The following GRIK2 variants were observed in gnomAD, a reference collection of about 807,000 sequenced individuals.
GRIK2 encodes glutamate ionotropic receptor kainate type subunit 2.
GRIK2 carries 32 observed loss-of-function variants against 100.3 expected under a neutral mutation model. The observed-to-expected ratio is 0.32, with a 90% CI of 0.24 to 0.43. The LOEUF is 0.43. Ranked by LOEUF, GRIK2 falls within the 20% of genes least tolerant of loss-of-function variation. The probability of loss-of-function intolerance (pLI) is 1.00; values close to 1 mark genes in which losing one functional copy is unlikely to be tolerated. For missense variants in GRIK2, 843 were observed against 1,114.9 expected (o/e 0.76, Z 3.47); for synonymous variants, 417 against 389.4 (o/e 1.07, Z -0.83).
chr6:101,639,475 A>T (rs1279506271), intron 4 of GRIK2, among the ~76,000 whole-genome samples: 1 of 152,116 alleles, frequency 6.6e-6, no homozygotes, highest in Middle Eastern at 3.2e-3. Context: ...TAAGTATTCA[A>T]TAAATGACCA....
At chr6:101,501,775 C>T (rs1773758687) in intron 2 of GRIK2, among the ~76,000 whole-genome samples, 1 of 151,954 alleles carries the variant, frequency 6.6e-6, no homozygotes. Context: ...TTTTGTTTTC[C>T]AAGACAGGGT....
intron 14 of GRIK2, among the ~76,000 whole-genome samples, chr6:101,997,419 GGTA>G (rs1794708363): frequency 6.6e-6 from 1 of 151,590 alleles, no homozygotes; most frequent in Non-Finnish European, 1.5e-5. Flanking sequence ...ATGCATCTTT[GGTA>G]TTTTTAAATT....
chr6:101,506,866 T>A (rs975156950), intron 2 of GRIK2, among the ~76,000 whole-genome samples: 1 of 152,164 alleles, frequency 6.6e-6, no homozygotes, highest in Non-Finnish European at 1.5e-5. Flanking sequence ...ATTGTGCAAA[T>A]TTGAGTTTTA....
At chr6:101,761,572 A>C (rs1016966445) in intron 7 of GRIK2, among the ~76,000 whole-genome samples, 2 of 152,184 alleles carry the variant, frequency 1.3e-5, no homozygotes, top group Admixed American at 6.6e-5. Context: ...CAGACTAAAA[A>C]ATTAACAAAA....
At chr6:101,686,744 T>C (rs1324742714) in intron 7 of GRIK2, among the ~76,000 whole-genome samples, 1 of 152,130 alleles carries the variant, frequency 6.6e-6, no homozygotes, top group Non-Finnish European at 1.5e-5. Flanking sequence ...TCTGGTGTTA[T>C]ATAAATGACT....
intron 2 of GRIK2, among the ~76,000 whole-genome samples, chr6:101,429,743 C>T (rs1365895524): frequency 5.3e-5 from 8 of 151,850 alleles, no homozygotes; most frequent in Non-Finnish European, 1.5e-5. Flanking sequence ...TACACAATGA[C>T]GTGTTGCTGG....
chr6:101,690,258 T>C (rs980814375), intron 7 of GRIK2, among the ~76,000 whole-genome samples: 1 of 152,152 alleles, frequency 6.6e-6, no homozygotes, highest in Non-Finnish European at 1.5e-5. Flanking sequence ...ATACCACATA[T>C]TTCCTTGATA....
intron 12 of GRIK2, among the ~76,000 whole-genome samples, chr6:101,911,660 A>G (rs544039602): frequency 3.3e-5 from 5 of 151,484 alleles, no homozygotes; most frequent in Admixed American, 6.6e-5. Flanking sequence ...ATTTGCCTTT[A>G]ATACTATTCA....
intron 14 of GRIK2, among the ~76,000 whole-genome samples, chr6:101,951,502 G>T (rs1791603303): frequency 6.6e-6 from 1 of 152,164 alleles, no homozygotes; most frequent in South Asian, 2.1e-4. Context: ...TTAGGTGTAG[G>T]TTCATATGCA....
Position 101,928,398 on chromosome 6 carries a change from C to T in GRIK2, c.1868-17C>T, listed in dbSNP as rs564285314. The T allele has an allele frequency of 1.0e-5, 13 of 1,295,070 alleles. No individual in the cohort carries two copies. The highest frequency in any genetic ancestry group is 1.5e-5 in the Non-Finnish European group (13 of 888,972). The allele number at this position is 1,295,070 out of a possible 1,614,324, so 80.2% of individuals were successfully genotyped here. A position where few individuals can be genotyped will look rare whatever the true frequency, so the allele number is the denominator to read the frequency against. ...AATTCTCTATATTCGTTTCACCTTT[C>T]CCCCACTCTCTGTTAGGTTCTGAGC... On this transcript the variant is annotated splice_polypyrimidine_tract_variant and intron_variant, in intron 13 of 16. Coordinates refer to ENST00000369134, the MANE Select transcript of GRIK2 (RefSeq NM_021956.5).
chr6:101,736,451 G>A (rs1775637046), intron 7 of GRIK2, among the ~76,000 whole-genome samples: 1 of 152,096 alleles, frequency 6.6e-6, no homozygotes. Context: ...TGAAATCTAG[G>A]CAGAGGTTCC....
intron 14 of GRIK2, among the ~76,000 whole-genome samples, chr6:102,009,050 T>C (rs1302728475): frequency 6.6e-6 from 1 of 152,088 alleles, no homozygotes; most frequent in Admixed American, 6.6e-5. Flanking sequence ...TTGAAATAAA[T>C]TTGTACAACC....
intron 4 of GRIK2, among the ~76,000 whole-genome samples, chr6:101,661,062 GA>G (rs1769575368): frequency 6.6e-6 from 1 of 152,162 alleles, no homozygotes; most frequent in Admixed American, 6.5e-5. Flanking sequence ...TAAGTCTGCT[GA>G]ATCTGTGCCC....
intron 11 of GRIK2, among the ~76,000 whole-genome samples, chr6:101,880,782 G>A (rs1026979546): frequency 6.6e-6 from 1 of 151,812 alleles, no homozygotes; most frequent in African/African-American, 2.4e-5. Flanking sequence ...AGAATAATAA[G>A]AATTGGTAGC....
At chr6:101,854,892 AAATGACTT>A (rs1287943224) in intron 10 of GRIK2, among the ~76,000 whole-genome samples, 4 of 152,174 alleles carry the variant, frequency 2.6e-5, no homozygotes, top group African/African-American at 9.6e-5. Context: ...AAACAATTGA[AAATGACTT>A]AAGTACTGTG....
At position 101,973,887 on chromosome 6, in the gene GRIK2, G is replaced by C. The variant is rs546654557; in HGVS notation, c.2085+45255G>C. Among the ~76,000 whole-genome samples, 10 of 151,954 alleles carry C rather than the reference G, an allele frequency of 6.6e-5. No homozygotes were observed. The East Asian group carries it at 1.7e-3, about 27-fold the overall frequency. On this transcript the variant is annotated intron_variant, in intron 14 of 16. Coordinates refer to ENST00000369134, the MANE Select transcript of GRIK2 (RefSeq NM_021956.5). ...CACAATGCACAATAACATATCTAAG[G>C]CTCTGGAGAGGTCTTACAAGTGCTC...
At chr6:102,058,839 C>T (rs896692671) in intron 16 of GRIK2, among the ~76,000 whole-genome samples, 1 of 150,984 alleles carries the variant, frequency 6.6e-6, no homozygotes, top group South Asian at 2.1e-4. Context: ...AAGGAAAGCA[C>T]GAATGTATTG....
chr6:101,863,264 G>T (rs1354576849), intron 11 of GRIK2, among the ~76,000 whole-genome samples: 1 of 152,150 alleles, frequency 6.6e-6, no homozygotes, highest in East Asian at 1.9e-4. Flanking sequence ...TCATTGCAGA[G>T]ATACTGAAAG....
chr6:101,625,623 C>T (rs181552157), intron 3 of GRIK2, among the ~76,000 whole-genome samples: 47 of 152,194 alleles, frequency 3.1e-4, no homozygotes, highest in Admixed American at 2.8e-3. Flanking sequence ...CAGGTCATGG[C>T]ACAGTCTATT....
Sources: gnomAD v4.1 joint callset for allele counts (sites outside exome capture counted in the v4.1 genomes callset) on GRCh38, gnomAD v4.1.1 for gene constraint, MANE v1.5 for transcripts, NCBI Gene and HGNC (gene_info 2026-07-23, HGNC 2026-07-21) for gene names.